The following TNPO3 variants were observed in gnomAD, a reference collection of about 807,000 sequenced individuals.
The protein encoded by TNPO3 is transportin 3.
TNPO3 carries 65 observed loss-of-function variants against 122.8 expected under a neutral mutation model. That is an observed-to-expected ratio of 0.53 (90% CI 0.43 to 0.65). The LOEUF is 0.65. Ranked by LOEUF, TNPO3 falls within the 30% of genes least tolerant of loss-of-function variation. The probability of loss-of-function intolerance (pLI) is 0.00; values close to 1 mark genes in which losing one functional copy is unlikely to be tolerated. For missense variants in TNPO3, 850 were observed against 1,136.7 expected (o/e 0.75, Z 3.63); for synonymous variants, 372 against 411.2 (o/e 0.90, Z 1.15).
chr7:128,961,089 AT>A (rs869046785), intron 21 of TNPO3, among the ~76,000 whole-genome samples: 9 of 152,070 alleles, frequency 5.9e-5, no homozygotes, highest in Admixed American at 3.3e-4. Flanking sequence ...GATGAAAAAA[AT>A]TTTTTTATAA....
At chr7:128,987,505 G>C (rs1200300209) in intron 11 of TNPO3, among the ~76,000 whole-genome samples, 1 of 152,114 alleles carries the variant, frequency 6.6e-6, no homozygotes, top group Non-Finnish European at 1.5e-5. Flanking sequence ...AATTTCTATA[G>C]AGCTAATTCT....
At chr7:128,991,198 CAG>C (rs1398709842) in intron 10 of TNPO3, among the ~76,000 whole-genome samples, 1 of 152,106 alleles carries the variant, frequency 6.6e-6, no homozygotes, top group Non-Finnish European at 1.5e-5. Context: ...GACTTCTTAA[CAG>C]AGAAAAATAA....
intron 9 of TNPO3, 52 bp from the exon 10 acceptor site, chr7:128,992,142 A>G: frequency 1.0e-6 from 1 of 972,492 alleles, no homozygotes; most frequent in East Asian, 2.6e-5. Flanking sequence ...ACAGAATGCC[A>G]AAACAAACAA....
intron 1 of TNPO3, among the ~76,000 whole-genome samples, chr7:129,043,490 C>T (rs1807653754): frequency 6.6e-6 from 1 of 152,162 alleles, no homozygotes; most frequent in South Asian, 2.1e-4. Flanking sequence ...TTCCCGGATT[C>T]TTTGAAATCC....
At chr7:128,982,648 TG>T (rs1382283830) in intron 13 of TNPO3, among the ~76,000 whole-genome samples, 1 of 152,034 alleles carries the variant, frequency 6.6e-6, no homozygotes, top group African/African-American at 2.4e-5. Flanking sequence ...TAATATAGAT[TG>T]TATATATGTT....
At chr7:129,024,393 C>T (rs970410558) in intron 1 of TNPO3, among the ~76,000 whole-genome samples, 2 of 152,156 alleles carry the variant, frequency 1.3e-5, no homozygotes, top group African/African-American at 4.8e-5. Context: ...CAATCAGCAT[C>T]CTGGATGCTG....
At chr7:128,996,530 T>A (rs1563097526) in intron 8 of TNPO3, among the ~76,000 whole-genome samples, 2 of 151,884 alleles carry the variant, frequency 1.3e-5, no homozygotes, top group Non-Finnish European at 2.9e-5. Context: ...GATCATGAGG[T>A]CAGGAGATCG....
At chr7:128,995,620 A>G (rs1801223853) in intron 8 of TNPO3, among the ~76,000 whole-genome samples, 1 of 152,362 alleles carries the variant, frequency 6.6e-6, no homozygotes. Flanking sequence ...GGGATCAAGC[A>G]CAGAGCCATT....
chr7:128,993,502 A>G (rs942181287), intron 9 of TNPO3, among the ~76,000 whole-genome samples: 3 of 152,226 alleles, frequency 2.0e-5, no homozygotes, highest in African/African-American at 4.8e-5. Flanking sequence ...CAAATTCCCT[A>G]TAAGTATCCT....
chr7:129,009,206 G>A (rs954709314), intron 4 of TNPO3, among the ~76,000 whole-genome samples: 3 of 152,186 alleles, frequency 2.0e-5, no homozygotes, highest in African/African-American at 7.2e-5. Flanking sequence ...TAGAAGCACA[G>A]GTTCAGTTTA....
chr7:129,008,901 G>C (rs548199137), intron 4 of TNPO3, among the ~76,000 whole-genome samples: 2 of 152,194 alleles, frequency 1.3e-5, no homozygotes, highest in South Asian at 2.1e-4. Flanking sequence ...TCTAACTATT[G>C]ACTCAAACTG....
At chr7:129,027,558 CAAAA>C (rs71162549) in intron 1 of TNPO3, among the ~76,000 whole-genome samples, 169 of 8,910 alleles carry the variant, frequency 0.019, 7 homozygotes, top group Non-Finnish European at 0.027. Flanking sequence ...AAGACTGTCT[CAAAA>C]AAAAAAAAAA....
At chr7:128,985,542 G>A (rs1800053346) in intron 12 of TNPO3, among the ~76,000 whole-genome samples, 1 of 152,202 alleles carries the variant, frequency 6.6e-6, no homozygotes, top group African/African-American at 2.4e-5. Flanking sequence ...GTTACAGTGA[G>A]CTATGATCAT....
At chr7:129,042,944 G>A (rs1478762276) in intron 1 of TNPO3, among the ~76,000 whole-genome samples, 1 of 151,646 alleles carries the variant, frequency 6.6e-6, no homozygotes, top group Non-Finnish European at 1.5e-5. Context: ...AATACACTTG[G>A]GTATACATAA....
chr7:129,003,064 A>AAAAAG (rs1554439863), intron 5 of TNPO3, among the ~76,000 whole-genome samples: 1 of 130,410 alleles, frequency 7.7e-6, no homozygotes, highest in African/African-American at 2.8e-5. Flanking sequence ...AAAAAAAAAA[A>AAAAAG]TACAAAAAAT....
chr7:128,962,624 T>C (rs577279948), intron 21 of TNPO3, among the ~76,000 whole-genome samples: 6 of 152,364 alleles, frequency 3.9e-5, no homozygotes, highest in African/African-American at 1.4e-4. Flanking sequence ...TAAGAGGGGA[T>C]GAGCAATCTC....
At chr7:128,986,118 A>G (rs1800115179) in intron 12 of TNPO3, among the ~76,000 whole-genome samples, 1 of 152,240 alleles carries the variant, frequency 6.6e-6, no homozygotes, top group African/African-American at 2.4e-5. Flanking sequence ...TACTCATAAA[A>G]TAAATATGAT....
intron 5 of TNPO3, among the ~76,000 whole-genome samples, chr7:129,002,040 G>C (rs1475377893): frequency 6.6e-6 from 1 of 152,144 alleles, no homozygotes; most frequent in Non-Finnish European, 1.5e-5. Flanking sequence ...GAGAGGAGGA[G>C]GTAATAGTAA....
At chr7:129,042,479 C>G (rs1051141834) in intron 1 of TNPO3, among the ~76,000 whole-genome samples, 1 of 152,078 alleles carries the variant, frequency 6.6e-6, no homozygotes, top group Non-Finnish European at 1.5e-5. Flanking sequence ...TTTCCCATAT[C>G]AAGAAAAAAT....
Sources: gnomAD v4.1 joint callset for allele counts (sites outside exome capture counted in the v4.1 genomes callset) on GRCh38, gnomAD v4.1.1 for gene constraint, MANE v1.5 for transcripts, NCBI Gene and HGNC (gene_info 2026-07-23, HGNC 2026-07-21) for gene names.